The following PDE10A variants were observed in gnomAD, a reference collection of about 807,000 sequenced individuals.
The protein encoded by PDE10A is cAMP and cAMP-inhibited cGMP 3',5'-cyclic phosphodiesterase 10A.
In PDE10A, 39 loss-of-function variants were observed where a neutral mutation model predicts 97.7. The observed-to-expected ratio is 0.40, with a 90% CI of 0.31 to 0.52. PDE10A has a LOEUF of 0.52. PDE10A is among the 20% of genes least tolerant of loss of function. The pLI is 0.56. For synonymous variants in PDE10A, 371 were observed against 376.8 expected (o/e 0.98, Z 0.18); for missense variants, 731 against 1,047.8 (o/e 0.70, Z 4.17).
intron 1 of PDE10A, among the ~76,000 whole-genome samples, chr6:165,826,778 A>AG (rs146792973): frequency 8.8e-5 from 6 of 68,348 alleles, no homozygotes; most frequent in African/African-American, 1.7e-4. Context: ...TGCGGTTGGG[A>AG]GGGGGGACGC....
Position 165,496,210 on chromosome 6 carries a change from T to A in PDE10A, c.995-13867A>T, listed in dbSNP as rs1042461745. Among the ~76,000 whole-genome samples the A allele has an allele frequency of 2.6e-5, 4 of 152,116 alleles. No individual in the cohort carries two copies. In the East Asian group the frequency reaches 5.8e-4, roughly 22 times the overall value. On this transcript the variant is annotated intron_variant, in intron 2 of 21. Coordinates refer to ENST00000539869, the MANE Select transcript of PDE10A (RefSeq NM_001385079.1). ...CTCCTGCCACCGAAGATGACCCCCT[T>A]ATTTCCAAATACTAAGTCCTTCCAG...
chr6:165,862,772 A>G (rs935160494), intron 1 of PDE10A, among the ~76,000 whole-genome samples: 3 of 149,310 alleles, frequency 2.0e-5, no homozygotes, highest in Non-Finnish European at 4.4e-5. Context: ...TCCTCCTCCC[A>G]GGTTCAAGCA....
At chr6:165,833,861 G>A (rs1035549817) in intron 1 of PDE10A, among the ~76,000 whole-genome samples, 1 of 152,250 alleles carries the variant, frequency 6.6e-6, no homozygotes, top group African/African-American at 2.4e-5. Flanking sequence ...CTGAAGTCAC[G>A]TGGAGGAAAT....
chr6:165,490,799 A>G (rs1427899372), intron 2 of PDE10A, among the ~76,000 whole-genome samples: 1 of 152,118 alleles, frequency 6.6e-6, no homozygotes, highest in Non-Finnish European at 1.5e-5. Context: ...TACTAAAAAT[A>G]CACATATTAG....
chr6:165,530,228 G>A (rs1782687798), intron 2 of PDE10A, among the ~76,000 whole-genome samples: 1 of 151,854 alleles, frequency 6.6e-6, no homozygotes, highest in Non-Finnish European at 1.5e-5. Flanking sequence ...GGGAACTTGT[G>A]ATTGTGTAAG....
At position 165,661,507 on chromosome 6, in the gene PDE10A, T is replaced by C. The variant is rs1429386971; in HGVS notation, c.865+440A>G. The C allele has an allele frequency of 3.2e-5, 5 of 155,238 alleles. No individual in the cohort carries two copies. The highest frequency in any genetic ancestry group is 7.1e-5 in the Non-Finnish European group (5 of 70,230). 9.6% of individuals were successfully genotyped at this position (155,238 alleles called of 1,614,324 possible). A position where few individuals can be genotyped will look rare whatever the true frequency, so the allele number is the denominator to read the frequency against. The stretch of plus-strand genomic sequence containing the variant: ...CCTCACCCCGGCTACAGGGACCCGG[T>C]GGGCTGGACCCCCAAGTGGAAGGAA... On this transcript the variant is annotated intron_variant, in intron 1 of 21. Coordinates refer to ENST00000539869, the MANE Select transcript of PDE10A (RefSeq NM_001385079.1). The surrounding 1 kb of genome is among the most constrained non-coding windows in gnomAD (Gnocchi z 4.8).
chr6:165,729,585 G>A (rs925036084), intron 1 of PDE10A, among the ~76,000 whole-genome samples: 1 of 152,110 alleles, frequency 6.6e-6, no homozygotes, highest in Non-Finnish European at 1.5e-5. Flanking sequence ...CCACAGTTCT[G>A]GTGGATTATT....
chr6:165,576,429 T>C (rs776763752), intron 1 of PDE10A: 2 of 780,888 alleles, frequency 2.6e-6, no homozygotes, highest in Non-Finnish European at 4.8e-6. Context: ...ATGTTGGGAT[T>C]TCCTCTCTTC....
chr6:165,845,861 T>G (rs1042095134), intron 1 of PDE10A, among the ~76,000 whole-genome samples: 1 of 152,156 alleles, frequency 6.6e-6, no homozygotes, highest in African/African-American at 2.4e-5. Context: ...ATCTGACCGA[T>G]GCCTAGGTAT....
At chr6:165,984,486 TA>T (rs1181139785) in intron 1 of PDE10A, among the ~76,000 whole-genome samples, 2 of 152,284 alleles carry the variant, frequency 1.3e-5, no homozygotes, top group African/African-American at 4.8e-5. Context: ...TTTACCATAA[TA>T]ATGGTTTCAG....
At chr6:165,889,855 C>A in intron 1 of PDE10A, among the ~76,000 whole-genome samples, 1 of 148,170 alleles carries the variant, frequency 6.7e-6, no homozygotes, top group African/African-American at 2.5e-5. Flanking sequence ...CTCCTCACTC[C>A]TCCCTCACTC....
At chr6:165,352,310 T>C (rs1353854301) in intron 18 of PDE10A, among the ~76,000 whole-genome samples, 1 of 152,230 alleles carries the variant, frequency 6.6e-6, no homozygotes, top group Non-Finnish European at 1.5e-5. Flanking sequence ...ATTGGGCAAC[T>C]TGAGTTCTCA....
At chr6:165,799,033 A>G (rs1471291434) in intron 1 of PDE10A, among the ~76,000 whole-genome samples, 1 of 152,232 alleles carries the variant, frequency 6.6e-6, no homozygotes, top group Non-Finnish European at 1.5e-5. Context: ...GAGGTATTTA[A>G]TACAAATGAA....
At chr6:165,805,814 C>G (rs1779120673) in intron 1 of PDE10A, among the ~76,000 whole-genome samples, 1 of 151,890 alleles carries the variant, frequency 6.6e-6, no homozygotes, top group African/African-American at 2.4e-5. Context: ...TGAGGACATG[C>G]TCTAGGAGGA....
chr6:165,527,608 C>T (rs1050695024), intron 2 of PDE10A, among the ~76,000 whole-genome samples: 1 of 152,204 alleles, frequency 6.6e-6, no homozygotes, highest in Non-Finnish European at 1.5e-5. Flanking sequence ...AGTCATCATG[C>T]GACCTGAACT....
chr6:165,838,172 G>A (rs1214646843), intron 1 of PDE10A, among the ~76,000 whole-genome samples: 14 of 152,066 alleles, frequency 9.2e-5, no homozygotes, highest in African/African-American at 4.8e-5. Flanking sequence ...ATAACATCTC[G>A]TAAACCCTTT....
intron 18 of PDE10A, among the ~76,000 whole-genome samples, chr6:165,355,451 A>G (rs2128189080): frequency 6.6e-6 from 1 of 152,340 alleles, no homozygotes; most frequent in South Asian, 2.1e-4. Flanking sequence ...TTACAATAGT[A>G]TCATATAGTA....
intron 1 of PDE10A, among the ~76,000 whole-genome samples, chr6:165,623,339 A>C (rs1310110808): frequency 6.6e-6 from 1 of 152,076 alleles, no homozygotes; most frequent in Non-Finnish European, 1.5e-5. Flanking sequence ...CCTGGTCTTG[A>C]GCCCCTGGCC....
At chr6:165,423,518 A>G (rs1788875302) in intron 10 of PDE10A, among the ~76,000 whole-genome samples, 1 of 152,154 alleles carries the variant, frequency 6.6e-6, no homozygotes, top group Non-Finnish European at 1.5e-5. Context: ...AAATGTCAGC[A>G]TCAACCTATT....
Sources: allele counts gnomAD v4.1 joint callset (sites outside exome capture counted in the v4.1 genomes callset), GRCh38; gene constraint gnomAD v4.1.1; non-coding constraint Gnocchi (gnomAD v3.1); transcripts MANE v1.5; gene names NCBI Gene and HGNC (gene_info 2026-07-23, HGNC 2026-07-21).